Variants in PCDHA6 observed in about 807,000 individuals in gnomAD.
The protein encoded by PCDHA6 is protocadherin alpha-6.
In PCDHA6, 55 loss-of-function variants were observed where a neutral mutation model predicts 60.3. That is an observed-to-expected ratio of 0.91 (90% CI 0.73 to 1.14). The LOEUF is 1.14. Ranked by LOEUF, PCDHA6 falls within the 50% of genes most tolerant of loss-of-function variation. The probability of loss-of-function intolerance (pLI) is 0.00; values close to 1 mark genes in which losing one functional copy is unlikely to be tolerated. For synonymous variants in PCDHA6, 652 were observed against 557.9 expected, an observed-to-expected ratio of 1.17 and a Z score of -2.38; for missense variants, 1,327 against 1,256.5, an observed-to-expected ratio of 1.06 and a Z score of -0.85.
chr5:140,934,625 A>G (rs1554210030), intron 1 of PCDHA6, among the ~76,000 whole-genome samples: 1 of 152,116 alleles, frequency 6.6e-6, no homozygotes, highest in Non-Finnish European at 1.5e-5. Context: ...GGTACAGTTC[A>G]CACAGGAAAG....
At chr5:140,841,325 GA>G in intron 1 of PCDHA6, 4 of 1,608,154 alleles carry the variant, frequency 2.5e-6, no homozygotes, top group Non-Finnish European at 3.4e-6. Flanking sequence ...ATTTAACATG[GA>G]TTATCACTGG....
At position 140,862,994 on chromosome 5, in the gene PCDHA6, G is replaced by A. The variant is rs199654880; in HGVS notation, c.2394+32509G>A. 324 of 549,002 alleles carry A rather than the reference G, an allele frequency of 5.9e-4. 3 individuals are homozygous for A. The highest frequency in any genetic ancestry group is 1.3e-3 in the South Asian group (92 of 72,564). 34.0% of individuals were successfully genotyped at this position (549,002 alleles called of 1,614,324 possible). On this transcript the variant is annotated intron_variant, in intron 1 of 3. Coordinates refer to ENST00000529310, the MANE Select transcript of PCDHA6 (RefSeq NM_018909.4). ...CCACTTGGTGGCGAAGGTGCGCACGGTGGACTCCAGCTATGACGCCTGGTT... is the reference window on the plus strand; with the variant it reads ...CCACTTGGTGGCGAAGGTGCGCACGATGGACTCCAGCTATGACGCCTGGTT...
intron 1 of PCDHA6, among the ~76,000 whole-genome samples, chr5:140,846,899 G>C (rs1467699891): frequency 6.7e-6 from 1 of 149,660 alleles, no homozygotes; most frequent in Admixed American, 6.7e-5. Context: ...CGTTGAAGTT[G>C]AAAGACAATC....
At chr5:140,941,191 T>TTTTCTTTCTTTCTTTC (rs1217097209) in intron 1 of PCDHA6, among the ~76,000 whole-genome samples, 1 of 93,206 alleles carries the variant, frequency 1.1e-5, no homozygotes, top group Admixed American at 1.2e-4. Flanking sequence ...GCTTCTTTTT[T>TTTTCTTTCTTTCTTTC]TTTCTTTCTT....
rs782638942 is a variant in PCDHA6, at chr5:140,876,442, G to T, written c.2394+45957G>T. The T allele has an allele frequency of 1.5e-5, 25 of 1,613,894 alleles. 1 individual carries two copies. The South Asian group carries it at 2.7e-4, about 18-fold the overall frequency. The stretch of plus-strand genomic sequence containing the variant: ...CTATGAAATTCAGGTTAACGCCATT[G>T]ATAAAGGGATTCCTTCCATGGCAGG... On this transcript the variant is annotated intron_variant, in intron 1 of 3. Coordinates refer to ENST00000529310, the MANE Select transcript of PCDHA6 (RefSeq NM_018909.4).
chr5:140,916,090 G>A (rs1464191226), intron 1 of PCDHA6, among the ~76,000 whole-genome samples: 1 of 152,160 alleles, frequency 6.6e-6, no homozygotes, highest in African/African-American at 2.4e-5. Context: ...TGGTCCACAG[G>A]GAATCTGCCT....
At chr5:140,976,992 A>G (rs1421149242) in intron 1 of PCDHA6, among the ~76,000 whole-genome samples, 3 of 152,200 alleles carry the variant, frequency 2.0e-5, no homozygotes, top group Admixed American at 2.0e-4. Context: ...TTACTGCCAT[A>G]AGAAATCTTG....
chr5:140,877,324 G>C (rs782336745), intron 1 of PCDHA6: 3 of 1,613,990 alleles, frequency 1.9e-6, no homozygotes, highest in Non-Finnish European at 2.5e-6. Context: ...GGCGGTCGGC[G>C]CGCACATCCC....
At chr5:140,856,508 G>A (rs2044043194) in intron 1 of PCDHA6, 6 of 1,598,282 alleles carry the variant, frequency 3.8e-6, no homozygotes, top group Non-Finnish European at 5.1e-6. Context: ...ATTTCCACTA[G>A]AAGGCGCATC....
At chr5:140,838,077 AGTGTGTGTGTGTGTGTGTGT>A (rs57130401) in intron 1 of PCDHA6, among the ~76,000 whole-genome samples, 40 of 80,696 alleles carry the variant, frequency 5.0e-4, no homozygotes, top group Middle Eastern at 0.015. Flanking sequence ...ATATATATAT[AGTGTGTGTGTGTGTGTGTGT>A]GTGTGTGTGT....
In PCDHA6 at chr5:140,841,379, C is replaced by A. The variant is rs2150314416; in HGVS notation, c.2394+10894C>A. The A allele has an allele frequency of 9.9e-6, 16 of 1,613,486 alleles. No homozygotes were observed. In the African/African-American group the frequency reaches 2.1e-4, roughly 22 times the overall value. ...CTGGCGACTACTACTCTTGCTTCTG[C>A]TCCTCGCAGCCTGGAAGGTGGGGAG... On this transcript the variant is annotated intron_variant, in intron 1 of 3. Coordinates refer to ENST00000529310, the MANE Select transcript of PCDHA6 (RefSeq NM_018909.4).
At chr5:140,977,246 C>T (rs939682133) in intron 1 of PCDHA6, among the ~76,000 whole-genome samples, 1 of 152,172 alleles carries the variant, frequency 6.6e-6, no homozygotes, top group Non-Finnish European at 1.5e-5. Flanking sequence ...AAATTGGCAA[C>T]ATTTCTCAGC....
At chr5:140,884,539 G>A (rs782320700) in intron 1 of PCDHA6, 78 of 1,613,968 alleles carry the variant, frequency 4.8e-5, no homozygotes, top group Non-Finnish European at 6.2e-5. Flanking sequence ...GGCGGCCGAG[G>A]GTGTGCTCTG....
At chr5:140,903,585 T>C (rs928775971) in intron 1 of PCDHA6, among the ~76,000 whole-genome samples, 2 of 152,224 alleles carry the variant, frequency 1.3e-5, no homozygotes, top group Non-Finnish European at 2.9e-5. Context: ...TAGCTGGTGT[T>C]GGCCTGATAA....
intron 1 of PCDHA6, among the ~76,000 whole-genome samples, chr5:140,918,743 A>T (rs1346660934): frequency 6.6e-6 from 1 of 152,196 alleles, no homozygotes; most frequent in Non-Finnish European, 1.5e-5. Flanking sequence ...CCCTTATAAA[A>T]GAGGCCCAGA....
chr5:140,977,541 G>A (rs1164108305), intron 1 of PCDHA6, among the ~76,000 whole-genome samples: 2 of 152,188 alleles, frequency 1.3e-5, no homozygotes, highest in Non-Finnish European at 2.9e-5. Context: ...GAAGCAGCTT[G>A]CATATGCATA....
chr5:140,907,705 G>A (rs2073545190), intron 1 of PCDHA6, among the ~76,000 whole-genome samples: 1 of 152,204 alleles, frequency 6.6e-6, no homozygotes, highest in Non-Finnish European at 1.5e-5. Context: ...CCCTGTTGCT[G>A]AGCCCATGTG....
chr5:140,895,166 C>T (rs1319581978), intron 1 of PCDHA6, among the ~76,000 whole-genome samples: 1 of 152,138 alleles, frequency 6.6e-6, no homozygotes, highest in Non-Finnish European at 1.5e-5. Context: ...ACAATCCAAT[C>T]TATTTGTAGT....
chr5:140,963,307 C>G (rs2095756240), intron 1 of PCDHA6, among the ~76,000 whole-genome samples: 1 of 152,062 alleles, frequency 6.6e-6, no homozygotes, highest in African/African-American at 2.4e-5. Context: ...AAATAAGAAG[C>G]TGTTTGTATT....
Sources: gnomAD v4.1 joint callset for allele counts (sites outside exome capture counted in the v4.1 genomes callset) on GRCh38, gnomAD v4.1.1 for gene constraint, MANE v1.5 for transcripts, NCBI Gene and HGNC (gene_info 2026-07-23, HGNC 2026-07-21) for gene names.